Variants in CFAP97D2 observed in about 807,000 individuals in gnomAD.
The protein encoded by CFAP97D2 is uncharacterized protein CFAP97D2.
rs537324813 is a variant in CFAP97D2 at position 114,182,447 on chromosome 13, A to T, written c.90+3027A>T. Among the ~76,000 whole-genome samples, 138 of 151,908 alleles carry T rather than the reference A, an allele frequency of 9.1e-4. 1 individual carries two copies. The highest frequency in any genetic ancestry group is 2.3e-3 in the Admixed American group (35 of 15,262). On this transcript the variant is annotated intron_variant, in intron 1 of 4. Coordinates refer to ENST00000646158, the Ensembl canonical transcript of CFAP97D2. ...GGCCTTCCTCTATCTCAACTGCAAG[A>T]GGCCTTCCTCTTTTACTAATCCACC...
intron 4 of CFAP97D2, among the ~76,000 whole-genome samples, chr13:114,220,381 G>T (rs75701202): frequency 0.047 from 7,203 of 152,206 alleles, 457 homozygotes; most frequent in African/African-American, 0.13. Flanking sequence ...CTGCCCCAAA[G>T]CTTCACCTGA....
intron 1 of CFAP97D2, among the ~76,000 whole-genome samples, chr13:114,184,590 C>G (rs185683322): frequency 1.1e-4 from 16 of 152,128 alleles, no homozygotes; most frequent in South Asian, 2.1e-4. Context: ...TGTGAAGTGT[C>G]CAGAGGAAGG....
At chr13:114,183,100 G>A (rs1415484094) in intron 1 of CFAP97D2, among the ~76,000 whole-genome samples, 4 of 152,132 alleles carry the variant, frequency 2.6e-5, no homozygotes, top group South Asian at 2.1e-4. Flanking sequence ...GCTTTAGGAC[G>A]TATCAGTTAA....
intron 2 of CFAP97D2, among the ~76,000 whole-genome samples, 160 bp downstream of exon 2, chr13:114,196,636 C>G (rs1313533143): frequency 6.6e-6 from 1 of 152,148 alleles, no homozygotes; most frequent in Non-Finnish European, 1.5e-5. Flanking sequence ...CGTGAGGGAG[C>G]TGGTTGATAA....
At position 114,187,993 on chromosome 13, in the gene CFAP97D2, T is replaced by C. The variant is rs983886076; in HGVS notation, c.91-8403T>C. The stretch of plus-strand genomic sequence containing the variant: ...ACATGTGAATATTAAACAACAACAA[T>C]GGGGGCTGGGTGCAGTAGCTCACGC... On this transcript the variant is annotated intron_variant, in intron 1 of 4. Transcript: ENST00000646158. The surrounding 1 kb of genome is among the most constrained non-coding windows in gnomAD (Gnocchi z 4.2). 2.0e-5 allele frequency among the ~76,000 whole-genome samples: 3 copies of C among 151,756 alleles called. No homozygotes were observed. The highest frequency in any genetic ancestry group is 2.9e-5 in the Non-Finnish European group (2 of 67,936).
intron 3 of CFAP97D2, among the ~76,000 whole-genome samples, chr13:114,206,995 A>C (rs2080943527): frequency 6.6e-6 from 1 of 152,212 alleles, no homozygotes; most frequent in Admixed American, 6.5e-5. Context: ...TGAAATGCCA[A>C]CAAAAAGGGA....
intron 4 of CFAP97D2, among the ~76,000 whole-genome samples, chr13:114,218,971 G>T (rs966224043): frequency 6.6e-6 from 1 of 152,146 alleles, no homozygotes; most frequent in African/African-American, 2.4e-5. Flanking sequence ...GCATGGGCAA[G>T]GACTTCATGA....
At chr13:114,216,990 G>C (rs2138789031) in intron 4 of CFAP97D2, among the ~76,000 whole-genome samples, 1 of 152,256 alleles carries the variant, frequency 6.6e-6, no homozygotes, top group South Asian at 2.1e-4. Context: ...ATTCTAACTG[G>C]TGTGAGATGG....
chr13:114,214,033 AC>A (rs2080983033), intron 4 of CFAP97D2: 2 of 151,568 alleles, frequency 1.3e-5, no homozygotes, highest in South Asian at 2.1e-4. Flanking sequence ...CCTAACCCTA[AC>A]CCTAACCCTA....
At chr13:114,202,054 G>T (rs1018507355) in intron 3 of CFAP97D2, among the ~76,000 whole-genome samples, 3 of 152,182 alleles carry the variant, frequency 2.0e-5, no homozygotes, top group Non-Finnish European at 2.9e-5. Context: ...GCCCATCGAA[G>T]GTTCCCTATG....
At chr13:114,194,436 A>G (rs947168204) in intron 1 of CFAP97D2, among the ~76,000 whole-genome samples, 10 of 152,236 alleles carry the variant, frequency 6.6e-5, no homozygotes, top group Non-Finnish European at 1.2e-4. Context: ...AGGGAGAAAA[A>G]CAGGGAAATT....
chr13:114,205,313 A>G (rs1393217835), intron 3 of CFAP97D2, among the ~76,000 whole-genome samples: 2 of 152,238 alleles, frequency 1.3e-5, no homozygotes, highest in Non-Finnish European at 2.9e-5. Flanking sequence ...TATATTTACC[A>G]TATAACCAAT....
intron 4 of CFAP97D2, among the ~76,000 whole-genome samples, chr13:114,221,883 A>T (rs913499759): frequency 2.6e-5 from 4 of 152,220 alleles, no homozygotes; most frequent in African/African-American, 9.7e-5. Context: ...ACTTGAAAAC[A>T]TACATTCATG....
downstream of CFAP97D2, chr13:114,222,675 C>G (rs895200589): frequency 2.5e-6 from 1 of 394,520 alleles, no homozygotes; most frequent in Non-Finnish European, 4.5e-6. This position sits in a 1 kb window ranked among gnomAD's most constrained non-coding sequence, Gnocchi z 4.4. Flanking sequence ...CCAGCGGTCT[C>G]AGGGCAGTGT....
At chr13:114,183,086 C>T (rs1475083173) in intron 1 of CFAP97D2, among the ~76,000 whole-genome samples, 2 of 152,188 alleles carry the variant, frequency 1.3e-5, no homozygotes, top group African/African-American at 2.4e-5. Context: ...GAAAGAATCC[C>T]TGAGCTTTAG....
chr13:114,203,979 C>T lies in CFAP97D2; in HGVS notation c.290+3536C>T, dbSNP rs1402685016. Among the ~76,000 whole-genome samples, 1 of 152,142 alleles carries T rather than the reference C, an allele frequency of 6.6e-6. No individual in the cohort carries two copies. Among genetic ancestry groups the T allele is most frequent in the Non-Finnish European group, 1.5e-5 (1 of 68,034 alleles). ...GATGGATTGTTTTAGTCAAAACAAT[C>T]CTGAAAAAGAAGATCAAAGTAGTAG... On this transcript the variant is annotated intron_variant, in intron 3 of 4. Coordinates refer to ENST00000646158, the Ensembl canonical transcript of CFAP97D2. This position sits in a 1 kb window ranked among gnomAD's most constrained non-coding sequence, Gnocchi z 4.3.
chr13:114,217,104 T>G (rs2080997267), intron 4 of CFAP97D2, among the ~76,000 whole-genome samples: 1 of 152,210 alleles, frequency 6.6e-6, no homozygotes, highest in African/African-American at 2.4e-5. Flanking sequence ...GAGAAGTGTC[T>G]GTTCATATGC....
At chr13:114,210,962 C>T (rs978069256) in intron 3 of CFAP97D2, among the ~76,000 whole-genome samples, 2 of 152,018 alleles carry the variant, frequency 1.3e-5, no homozygotes, top group Admixed American at 6.6e-5. Flanking sequence ...ACAACAGATG[C>T]AATCTGTCAC....
intron 2 of CFAP97D2, among the ~76,000 whole-genome samples, chr13:114,200,122 A>G (rs1360946723): frequency 9.8e-6 from 1 of 102,100 alleles, no homozygotes; most frequent in Non-Finnish European, 2.1e-5. Flanking sequence ...GAGGCGTAAC[A>G]GGGCGTCCCC....
Sources: gnomAD v4.1 joint callset for allele counts (sites outside exome capture counted in the v4.1 genomes callset) on GRCh38, gnomAD v4.1.1 for gene constraint, Gnocchi (gnomAD v3.1) non-coding constraint, MANE v1.5 for transcripts, NCBI Gene and HGNC (gene_info 2026-07-23, HGNC 2026-07-21) for gene names.